MFSD6: variants seen among roughly 807,000 people sequenced by gnomAD.
MFSD6 encodes major facilitator superfamily domain-containing protein 6.
MFSD6 carries 26 observed loss-of-function variants against 56.3 expected under a neutral mutation model. The ratio of observed to expected loss-of-function variants is 0.46; its 90% CI spans 0.34 to 0.64. The LOEUF (loss-of-function observed/expected upper bound fraction) is 0.64. Among genes scored for constraint, MFSD6 ranks in the 30% least tolerant of loss-of-function variants. The probability of loss-of-function intolerance (pLI) is 0.01; values close to 1 mark genes in which losing one functional copy is unlikely to be tolerated. For synonymous variants in MFSD6, 331 were observed against 366.9 expected (o/e 0.90, Z 1.12); for missense variants, 750 against 986.2 (o/e 0.76, Z 3.21).
At position 190,412,342 on chromosome 2, in the gene MFSD6, T is replaced by G; in HGVS notation, c.-175-2950T>G. 2 of 984,244 alleles carry G rather than the reference T, an allele frequency of 2.0e-6. No individual in the cohort carries two copies. The highest frequency in any genetic ancestry group is 2.4e-6 in the Non-Finnish European group (2 of 828,876). 61.0% of individuals were successfully genotyped at this position (984,244 alleles called of 1,614,324 possible). On this transcript the variant is annotated intron_variant, in intron 1 of 7. Transcript: ENST00000392328. The surrounding 1 kb of genome is among the most constrained non-coding windows in gnomAD (Gnocchi z 4.1). ...TTACAGAAGAGATATTCTCACAATT[T>G]TAGGTATTATCCAACATTTCATTTT...
Position 190,500,873 on chromosome 2 carries a change from A to G in MFSD6, c.*655A>G, listed in dbSNP as rs1689992073. ...ATGGAAATAATTCTTTGAGCAACAG[A>G]AGCTATTATTAACTACTGCAAGCTA... On this transcript the variant is annotated 3_prime_UTR_variant, in exon 8 of 8. Coordinates refer to ENST00000392328, the MANE Select transcript of MFSD6 (RefSeq NM_017694.4). This position sits in a 1 kb window ranked among gnomAD's most constrained non-coding sequence, Gnocchi z 5.3. 6.6e-6 allele frequency: 1 copy of G among 152,212 alleles called. No homozygotes were observed. Among genetic ancestry groups the G allele is most frequent in the Admixed American group, 6.5e-5 (1 of 15,282 alleles). 9.4% of individuals were successfully genotyped at this position (152,212 alleles called of 1,614,324 possible). A position where few individuals can be genotyped will look rare whatever the true frequency, so the allele number is the denominator to read the frequency against.
Position 190,444,508 on chromosome 2 carries a change from T to C in MFSD6, c.1532+6947T>C, listed in dbSNP as rs148633581. Among the ~76,000 whole-genome samples the C allele has an allele frequency of 4.1e-4, 63 of 152,374 alleles. 2 individuals carry two copies. Among genetic ancestry groups the C allele is most frequent in the African/African-American group, 1.4e-3 (58 of 41,604 alleles). On this transcript the variant is annotated intron_variant, in intron 3 of 7. Coordinates refer to ENST00000392328, the MANE Select transcript of MFSD6 (RefSeq NM_017694.4). ...ACTCACAAGGTCTGAGGAAGGTGGATTGCAGATGTAAAGTGGCTGTGTGTT... is the reference window on the plus strand; with the variant it reads ...ACTCACAAGGTCTGAGGAAGGTGGACTGCAGATGTAAAGTGGCTGTGTGTT...
intron 4 of MFSD6, among the ~76,000 whole-genome samples, chr2:190,470,402 A>G (rs944298345): frequency 2.0e-5 from 3 of 152,182 alleles, no homozygotes; most frequent in African/African-American, 7.2e-5. Context: ...GTCTCCCATC[A>G]AGACACAACT....
intron 1 of MFSD6, chr2:190,411,118 A>G (rs965994314): frequency 2.0e-6 from 2 of 983,978 alleles, no homozygotes; most frequent in African/African-American, 3.5e-5. Flanking sequence ...AAACCTGCAT[A>G]CAGGCACACA....
rs943096873 is a variant in MFSD6, at chr2:190,413,988, C to G, written c.-175-1304C>G. On this transcript the variant is annotated intron_variant, in intron 1 of 7. Transcript: ENST00000392328. This position sits in a 1 kb window ranked among gnomAD's most constrained non-coding sequence, Gnocchi z 4.1. ...AGTTAAGGTAGAACATACTTGGCCT[C>G]AAGGTACTTGGCTCAAGGTAGAGCA... Among the ~76,000 whole-genome samples the G allele has an allele frequency of 6.6e-6, 1 of 152,122 alleles. No individual in the cohort carries two copies. The highest frequency in any genetic ancestry group is 1.5e-5 in the Non-Finnish European group (1 of 68,028).
In MFSD6 at chr2:190,458,337, A is replaced by C. The variant is rs1452688555; in HGVS notation, c.1533-11421A>C. On this transcript the variant is annotated intron_variant, in intron 3 of 7. Transcript: ENST00000392328. This position sits in a 1 kb window ranked among gnomAD's most constrained non-coding sequence, Gnocchi z 5.3. Reference sequence around the variant, plus strand: ...ATCTGTTATGAGCAGTGTCCTCGTGAGAAGAGATTGGGGCCACAGATAGGC... The same window carrying C: ...ATCTGTTATGAGCAGTGTCCTCGTGCGAAGAGATTGGGGCCACAGATAGGC... 6.6e-6 allele frequency among the ~76,000 whole-genome samples: 1 copy of C among 152,110 alleles called. No homozygotes were observed. The highest frequency in any genetic ancestry group is 1.5e-5 in the Non-Finnish European group (1 of 68,024).
Position 190,469,887 on chromosome 2 carries a change from T to C in MFSD6, c.1630+32T>C. The C allele has an allele frequency of 1.3e-6, 2 of 1,496,506 alleles. No homozygotes were observed. The highest frequency in any genetic ancestry group is 1.9e-6 in the Non-Finnish European group (2 of 1,078,054). 92.7% of individuals were successfully genotyped at this position (1,496,506 alleles called of 1,614,324 possible). On this transcript the variant is annotated intron_variant, in intron 4 of 7. Transcript: ENST00000392328. The surrounding 1 kb of genome is among the most constrained non-coding windows in gnomAD (Gnocchi z 5.3). ...TAACAGCTGGGATTGAAATTATTTC[T>C]CTGCCTTCCCTGAGCTGTGGCTAAA...
In MFSD6 at chr2:190,495,786, C is replaced by A. The variant is rs1689638731; in HGVS notation, c.1892-1653C>A. Among the ~76,000 whole-genome samples the A allele has an allele frequency of 6.6e-6, 1 of 152,006 alleles. No individual in the cohort carries two copies. ...AAATGGTGCTGGGATAATTGGCAAG[C>A]CACATGTAGGAGAATGAAACTGGAT... On this transcript the variant is annotated intron_variant, in intron 6 of 7. Transcript: ENST00000392328. This position sits in a 1 kb window ranked among gnomAD's most constrained non-coding sequence, Gnocchi z 4.7.
At chr2:190,430,167 G>C (rs990156499) in intron 2 of MFSD6, among the ~76,000 whole-genome samples, 1 of 151,630 alleles carries the variant, frequency 6.6e-6, no homozygotes, top group Non-Finnish European at 1.5e-5. Flanking sequence ...CCCTGCAAAG[G>C]ACATGAACGC....
In MFSD6 at chr2:190,491,946, T is replaced by C. The variant is rs553542533; in HGVS notation, c.1891+2080T>C. On this transcript the variant is annotated intron_variant, in intron 6 of 7. Coordinates refer to ENST00000392328, the MANE Select transcript of MFSD6 (RefSeq NM_017694.4). This position sits in a 1 kb window ranked among gnomAD's most constrained non-coding sequence, Gnocchi z 4.2. ...GTGAGGGGAGAAATCTTCAATGAGA[T>C]AGATAGCATAAATAAGAAACAGTTA... is the stretch of plus-strand genomic sequence containing the variant. Among the ~76,000 whole-genome samples, 1 of 152,154 alleles carries C rather than the reference T, an allele frequency of 6.6e-6. No individual in the cohort carries two copies. The highest frequency in any genetic ancestry group is 6.5e-5 in the Admixed American group (1 of 15,286).
chr2:190,428,147 T>G (rs1328423437), intron 2 of MFSD6, among the ~76,000 whole-genome samples: 2 of 152,220 alleles, frequency 1.3e-5, no homozygotes, highest in East Asian at 3.8e-4. Context: ...ATATTATGTT[T>G]GTGAGATTCA....
Position 190,431,052 on chromosome 2 carries a change from C to T in MFSD6, c.-53-4925C>T, listed in dbSNP as rs1685974040. ...GGGTCGCGGCCGGGCAGAGGCGCTC[C>T]TCACCTCCCAGACGGGGTCGCAGCC... On this transcript the variant is annotated intron_variant, in intron 2 of 7. Transcript: ENST00000392328. This position sits in a 1 kb window ranked among gnomAD's most constrained non-coding sequence, Gnocchi z 4.4. Among the ~76,000 whole-genome samples, 1 of 146,728 alleles carries T rather than the reference C, an allele frequency of 6.8e-6. No homozygotes were observed. Among genetic ancestry groups the T allele is most frequent in the African/African-American group, 2.5e-5 (1 of 39,698 alleles).
intron 4 of MFSD6, among the ~76,000 whole-genome samples, chr2:190,478,328 A>G (rs1025145183): frequency 1.3e-5 from 2 of 152,114 alleles, no homozygotes; most frequent in African/African-American, 4.8e-5. Flanking sequence ...CTAATGCTGG[A>G]GGAGATGGTT....
Position 190,495,880 on chromosome 2 carries a change from T to A in MFSD6, c.1892-1559T>A, listed in dbSNP as rs575981809. On this transcript the variant is annotated intron_variant, in intron 6 of 7. Coordinates refer to ENST00000392328, the MANE Select transcript of MFSD6 (RefSeq NM_017694.4). The surrounding 1 kb of genome is among the most constrained non-coding windows in gnomAD (Gnocchi z 4.7). ...AGGACTTAAATCTAAGACCTGAAAC[T>A]TAAAATTCTAGAAGATAACATCAGA... is the stretch of plus-strand genomic sequence containing the variant. Among the ~76,000 whole-genome samples the A allele has an allele frequency of 6.6e-6, 1 of 152,222 alleles. No homozygotes were observed. Among genetic ancestry groups the A allele is most frequent in the South Asian group, 2.1e-4 (1 of 4,826 alleles).
Position 190,490,336 on chromosome 2 carries a change from G to A in MFSD6, c.1891+470G>A, listed in dbSNP as rs1454593366. ...CCCAACACTTTGGGAGGCCGAGGCG[G>A]GTGGATCACGAGGTTAGGAGATCAA... On this transcript the variant is annotated intron_variant, in intron 6 of 7. Transcript: ENST00000392328. The surrounding 1 kb of genome is among the most constrained non-coding windows in gnomAD (Gnocchi z 4.5). Among the ~76,000 whole-genome samples the A allele has an allele frequency of 6.6e-6, 1 of 151,942 alleles. No individual in the cohort carries two copies. The highest frequency in any genetic ancestry group is 1.5e-5 in the Non-Finnish European group (1 of 67,966).
chr2:190,489,839 T>G lies in MFSD6; in HGVS notation c.1864T>G (p.Trp622Gly). The change falls in exon 6 of 8, where the codon TGG becomes GGG. Residue 622 changes from tryptophan to glycine, a missense_variant. This residue lies in a region of MFSD6 where 125 missense variants were observed against 223.1 expected (regional missense o/e 0.56). Transcript: ENST00000392328. The surrounding 1 kb of genome is among the most constrained non-coding windows in gnomAD (Gnocchi z 6.6). ...CCTACTGCTCTTTGCCCTGATCCAGTGGCTGGCAGTGCCAGATGAGGAAGA... is the reference window on the plus strand; with the variant it reads ...CCTACTGCTCTTTGCCCTGATCCAGGGGCTGGCAGTGCCAGATGAGGAAGA... ...VILLLFALIQ[W>G]LAVPDEEEDK... 1 of 1,614,140 alleles carries G rather than the reference T, an allele frequency of 6.2e-7. No homozygotes were observed. Among genetic ancestry groups the G allele is most frequent in the East Asian group, 2.2e-5 (1 of 44,886 alleles).
At position 190,450,865 on chromosome 2, in the gene MFSD6, A is replaced by G. The variant is rs535848383; in HGVS notation, c.1532+13304A>G. On this transcript the variant is annotated intron_variant, in intron 3 of 7. Transcript: ENST00000392328. ...CTGACATTATTGAAAAGAAGAATAA[A>G]CTTTCGGTTACATTTGTCCAGGTGT... 4.6e-5 allele frequency among the ~76,000 whole-genome samples: 7 copies of G among 152,214 alleles called. No individual in the cohort carries two copies. In the East Asian group the frequency reaches 1.3e-3, roughly 29 times the overall value.
rs769117381 is a variant in MFSD6 at position 190,492,285 on chromosome 2, A to C, written c.1891+2419A>C. Among the ~76,000 whole-genome samples the C allele has an allele frequency of 6.6e-6, 1 of 152,236 alleles. No homozygotes were observed. The highest frequency in any genetic ancestry group is 1.5e-5 in the Non-Finnish European group (1 of 68,044). On this transcript the variant is annotated intron_variant, in intron 6 of 7. Coordinates refer to ENST00000392328, the MANE Select transcript of MFSD6 (RefSeq NM_017694.4). This position sits in a 1 kb window ranked among gnomAD's most constrained non-coding sequence, Gnocchi z 5.2. ...AGAGACCTAAACATCCAAATACAAG[A>C]ATCCCAAAGAACACCTGGGAAATTC...
chr2:190,429,152 T>G (rs538522116), intron 2 of MFSD6, among the ~76,000 whole-genome samples: 2 of 152,036 alleles, frequency 1.3e-5, no homozygotes, highest in African/African-American at 4.8e-5. Flanking sequence ...TTGGGTTACC[T>G]GATATTTTCC....
Sources: allele counts gnomAD v4.1 joint callset (sites outside exome capture counted in the v4.1 genomes callset), GRCh38; gene constraint gnomAD v4.1.1; regional missense constraint gnomAD v4.1.1; non-coding constraint Gnocchi (gnomAD v3.1); transcripts MANE v1.5; gene names NCBI Gene and HGNC (gene_info 2026-07-23, HGNC 2026-07-21).